Variants in ROCK2 observed in about 807,000 individuals in gnomAD.
ROCK2 encodes rho-associated protein kinase 2.
Under a neutral mutation model 195.1 loss-of-function variants are expected in ROCK2, and 61 were observed. That is an observed-to-expected ratio of 0.31 (90% CI 0.25 to 0.39). The LOEUF (loss-of-function observed/expected upper bound fraction) is 0.39, where lower values mean the gene tolerates loss of function less well. Ranked by LOEUF, ROCK2 falls within the 10% of genes least tolerant of loss-of-function variation. The pLI is 1.00. For synonymous variants in ROCK2, 504 were observed against 545.5 expected (o/e 0.92, Z 1.06); for missense variants, 1,109 against 1,637.4 (o/e 0.68, Z 5.57).
chr2:11,317,301 T>A (rs1668224633), intron 1 of ROCK2, among the ~76,000 whole-genome samples: 1 of 151,738 alleles, frequency 6.6e-6, no homozygotes, highest in African/African-American at 2.4e-5. Flanking sequence ...GATAAAAATT[T>A]AAAGCAAAGG....
At chr2:11,336,481 C>A (rs1668931628) in intron 1 of ROCK2, among the ~76,000 whole-genome samples, 1 of 152,094 alleles carries the variant, frequency 6.6e-6, no homozygotes, top group Admixed American at 6.6e-5. Context: ...AAACTTCTAG[C>A]CTCAAGCAAT....
chr2:11,319,070 T>C (rs966877212), intron 1 of ROCK2, among the ~76,000 whole-genome samples: 2 of 152,244 alleles, frequency 1.3e-5, no homozygotes, highest in African/African-American at 4.8e-5. Flanking sequence ...TGGCTCAGGA[T>C]TGACTTGGCA....
intron 1 of ROCK2, among the ~76,000 whole-genome samples, chr2:11,330,762 GAGGA>G: frequency 1.1e-5 from 1 of 92,908 alleles, no homozygotes; most frequent in Non-Finnish European, 2.3e-5. Flanking sequence ...GAGGAGGAGG[GAGGA>G]GGAGGAGGGA....
Position 11,192,773 on chromosome 2 carries a change from A to G in ROCK2, c.3688-61T>C, listed in dbSNP as rs886322642. 1.7e-5 allele frequency: 26 copies of G among 1,507,806 alleles called. No individual in the cohort carries two copies. The highest frequency in any genetic ancestry group is 2.1e-5 in the Non-Finnish European group (23 of 1,119,712). 93.4% of individuals were successfully genotyped at this position (1,507,806 alleles called of 1,614,324 possible). On this transcript the variant is annotated intron_variant, in intron 30 of 32. Transcript: ENST00000315872. This position sits in a 1 kb window ranked among gnomAD's most constrained non-coding sequence, Gnocchi z 5.0. The stretch of plus-strand genomic sequence containing the variant: ...ACATGCTATTTTTTTATGTAGGAAC[A>G]ATTCTGATAGTGTAAGTAAAATAAA...
intron 1 of ROCK2, chr2:11,309,035 G>GA: frequency 6.5e-7 from 1 of 1,531,726 alleles, no homozygotes; most frequent in South Asian, 1.3e-5. Flanking sequence ...CAACAGGCAG[G>GA]AAGCAAGCCG....
At chr2:11,231,626 T>C (rs926281134) in intron 5 of ROCK2, among the ~76,000 whole-genome samples, 1 of 152,120 alleles carries the variant, frequency 6.6e-6, no homozygotes, top group African/African-American at 2.4e-5. Context: ...CAACTTTTAC[T>C]GAGACACATC....
intron 1 of ROCK2, among the ~76,000 whole-genome samples, chr2:11,326,467 TGGAGA>T (rs1668554333): frequency 6.6e-6 from 1 of 152,168 alleles, no homozygotes; most frequent in Admixed American, 6.5e-5. Context: ...TTATAGTGTA[TGGAGA>T]AGTGAACAGA....
chr2:11,339,196 T>G (rs571329039), intron 1 of ROCK2, among the ~76,000 whole-genome samples: 2 of 152,234 alleles, frequency 1.3e-5, no homozygotes, highest in African/African-American at 2.4e-5. Context: ...AGTATACTAA[T>G]ATCTCCAATT....
intron 1 of ROCK2, among the ~76,000 whole-genome samples, chr2:11,297,587 ACAGGGAT>A (rs1667576377): frequency 6.6e-6 from 1 of 152,120 alleles, no homozygotes; most frequent in African/African-American, 2.4e-5. Context: ...TGGGATCTTA[ACAGGGAT>A]TAATAGGTTA....
chr2:11,188,115 T>C (rs955290205), intron 32 of ROCK2, among the ~76,000 whole-genome samples: 2 of 148,034 alleles, frequency 1.4e-5, no homozygotes, highest in Admixed American at 6.7e-5. Context: ...TTTTTTTTTT[T>C]TTTTTTTTTT....
chr2:11,281,484 T>C (rs1368104479), intron 3 of ROCK2, among the ~76,000 whole-genome samples: 2 of 152,172 alleles, frequency 1.3e-5, no homozygotes, highest in Non-Finnish European at 2.9e-5. Flanking sequence ...ATTCGAAAGT[T>C]TCCTGGAACA....
At chr2:11,187,181 C>T (rs1663230150) in intron 32 of ROCK2, among the ~76,000 whole-genome samples, 1 of 152,174 alleles carries the variant, frequency 6.6e-6, no homozygotes, top group African/African-American at 2.4e-5. Flanking sequence ...AGTAGTCCCC[C>T]CATATCCTTG....
intron 3 of ROCK2, among the ~76,000 whole-genome samples, chr2:11,284,312 T>A (rs1418775877): frequency 6.6e-6 from 1 of 152,168 alleles, no homozygotes; most frequent in African/African-American, 2.4e-5. Context: ...TATAATAGTA[T>A]AACGATGGGC....
intron 3 of ROCK2, among the ~76,000 whole-genome samples, chr2:11,250,585 C>T (rs780330232): frequency 1.3e-5 from 2 of 152,184 alleles, no homozygotes; most frequent in Admixed American, 1.3e-4. Context: ...CTAATCTTCA[C>T]CCGAATTTAT....
chr2:11,287,807 A>AT, intron 1 of ROCK2, 71 bp from the exon 2 acceptor site: 1 of 559,742 alleles, frequency 1.8e-6, no homozygotes, highest in Middle Eastern at 3.0e-4. Context: ...AAGTCTTTTA[A>AT]TTTTATTTAT....
At chr2:11,307,555 G>T (rs188990274) in intron 1 of ROCK2, among the ~76,000 whole-genome samples, 1 of 151,838 alleles carries the variant, frequency 6.6e-6, no homozygotes, top group African/African-American at 2.4e-5. Flanking sequence ...CTCGTGATCC[G>T]CCCGCCTCAG....
At chr2:11,299,317 T>C (rs940597041) in intron 1 of ROCK2, among the ~76,000 whole-genome samples, 6 of 151,618 alleles carry the variant, frequency 4.0e-5, no homozygotes, top group Non-Finnish European at 7.4e-5. Context: ...GATCAAATCA[T>C]TATACCCACA....
At chr2:11,295,932 G>A (rs1429199872) in intron 1 of ROCK2, among the ~76,000 whole-genome samples, 1 of 145,264 alleles carries the variant, frequency 6.9e-6, no homozygotes, top group African/African-American at 2.5e-5. Context: ...ACTCCAGCCT[G>A]GGTGACAGAG....
At chr2:11,272,448 A>G (rs527640624) in intron 3 of ROCK2, among the ~76,000 whole-genome samples, 1 of 152,276 alleles carries the variant, frequency 6.6e-6, no homozygotes, top group Admixed American at 6.5e-5. Context: ...TATTATTGAA[A>G]CTTTGTTTCA....
Sources: gnomAD v4.1 joint callset for allele counts (sites outside exome capture counted in the v4.1 genomes callset) on GRCh38, gnomAD v4.1.1 for gene constraint, Gnocchi (gnomAD v3.1) non-coding constraint, MANE v1.5 for transcripts, NCBI Gene and HGNC (gene_info 2026-07-23, HGNC 2026-07-21) for gene names.